Variants in AK9 observed in about 807,000 individuals in gnomAD.
AK9 encodes the protein adenylate kinase 9.
Under a neutral mutation model 239.6 loss-of-function variants are expected in AK9, and 191 were observed. That is an observed-to-expected ratio of 0.80 (90% CI 0.71 to 0.90). The LOEUF (loss-of-function observed/expected upper bound fraction) is 0.90, where lower values mean the gene tolerates loss of function less well. Ranked by LOEUF, AK9 falls within the 40% of genes least tolerant of loss-of-function variation. The pLI is 0.00. For synonymous variants in AK9, 689 were observed against 721.0 expected (o/e 0.96, Z 0.71); for missense variants, 1,995 against 2,214.7 (o/e 0.90, Z 1.99).
intron 19 of AK9, among the ~76,000 whole-genome samples, chr6:109,582,559 A>C (rs1278303977): frequency 6.6e-6 from 1 of 152,214 alleles, no homozygotes; most frequent in African/African-American, 2.4e-5. Context: ...CTCATGATCA[A>C]ACTTGAACAG....
At chr6:109,593,067 T>G (rs1452640618) in intron 17 of AK9, among the ~76,000 whole-genome samples, 1 of 152,158 alleles carries the variant, frequency 6.6e-6, no homozygotes, top group Non-Finnish European at 1.5e-5. Flanking sequence ...TACTTTTCTT[T>G]CTTTATTTTT....
At chr6:109,586,651 T>C (rs553319802) in intron 17 of AK9, among the ~76,000 whole-genome samples, 3 of 152,088 alleles carry the variant, frequency 2.0e-5, no homozygotes, top group Non-Finnish European at 4.4e-5. Flanking sequence ...TCTGCTTTCA[T>C]TTCTCAGTGT....
intron 12 of AK9, among the ~76,000 whole-genome samples, chr6:109,626,231 A>G (rs1583311422): frequency 2.1e-5 from 2 of 95,614 alleles, no homozygotes; most frequent in Middle Eastern, 0.015. Context: ...TCTTATAAAG[A>G]CCTTAAGCAT....
chr6:109,636,181 C>G (rs1227967042), intron 10 of AK9, among the ~76,000 whole-genome samples: 3 of 152,108 alleles, frequency 2.0e-5, no homozygotes, highest in African/African-American at 7.2e-5. Context: ...TCCTACTGCA[C>G]AAACCCATGC....
chr6:109,576,304 A>G (rs1031864556), intron 20 of AK9, among the ~76,000 whole-genome samples: 1 of 150,262 alleles, frequency 6.7e-6, no homozygotes, highest in Non-Finnish European at 1.5e-5. Flanking sequence ...CCCATCCATG[A>G]GCATGGGATG....
chr6:109,667,881 A>G (rs545986312), intron 5 of AK9, among the ~76,000 whole-genome samples: 94 of 152,314 alleles, frequency 6.2e-4, no homozygotes, highest in Non-Finnish European at 1.1e-3. Context: ...ATGTGTCCTT[A>G]TAACAGCATG....
intron 26 of AK9, among the ~76,000 whole-genome samples, 164 bp downstream of exon 26, chr6:109,545,703 A>G (rs1051846893): frequency 1.3e-5 from 2 of 152,142 alleles, no homozygotes; most frequent in Admixed American, 1.3e-4. Context: ...CTAATACACC[A>G]AGGCAGGAGG....
chr6:109,564,960 A>C (rs1360190422), intron 21 of AK9, 115 bp from the exon 22 acceptor site: 13 of 673,468 alleles, frequency 1.9e-5, no homozygotes, highest in Non-Finnish European at 3.0e-5. Context: ...GAAATGCCTA[A>C]TAGAAAGCAA....
chr6:109,509,570 T>C (rs931213774), intron 32 of AK9, among the ~76,000 whole-genome samples, 190 bp from the exon 33 acceptor site: 2 of 152,110 alleles, frequency 1.3e-5, no homozygotes, highest in Non-Finnish European at 2.9e-5. Context: ...CAAACCATGC[T>C]GCAGACCCAG....
chr6:109,560,005 C>T (rs1018992210), intron 24 of AK9, among the ~76,000 whole-genome samples: 1 of 152,150 alleles, frequency 6.6e-6, no homozygotes, highest in Non-Finnish European at 1.5e-5. Context: ...TCTCTGACTT[C>T]CTGTCTTCCT....
intron 12 of AK9, among the ~76,000 whole-genome samples, chr6:109,624,629 A>C (rs1436772595): frequency 6.6e-6 from 1 of 152,162 alleles, no homozygotes; most frequent in South Asian, 2.1e-4. Context: ...CTCATTTTAC[A>C]GAAGCTTCTG....
In AK9 at chr6:109,576,420, C is replaced by CTTTTTTTTTTTTT. The variant is rs3060763; in HGVS notation, c.2192-2839_2192-2827dup. ...GGTTAGGTGTATATACATATATATA[C>CTTTTTTTTTTTTT]TTTTTTTTTTTTTTTTTGCAGCTGT... On this transcript the variant is annotated intron_variant, in intron 20 of 40. Coordinates refer to ENST00000424296, the MANE Select transcript of AK9 (RefSeq NM_001145128.3). Among the ~76,000 whole-genome samples the CTTTTTTTTTTTTT allele has an allele frequency of 1.2e-4, 12 of 103,506 alleles. 1 individual carries two copies. The highest frequency in any genetic ancestry group is 7.0e-4 in the East Asian group (2 of 2,856). 67.9% of individuals were successfully genotyped at this position (103,506 alleles called of 152,430 possible). A position where few individuals can be genotyped will look rare whatever the true frequency, so the allele number is the denominator to read the frequency against.
rs1795253828 is a variant in AK9, at chr6:109,624,294, C to T, written c.1255-5058G>A. Among the ~76,000 whole-genome samples the T allele has an allele frequency of 2.6e-5, 4 of 152,136 alleles. No individual in the cohort carries two copies. The South Asian group carries it at 6.2e-4, about 24-fold the overall frequency. On this transcript the variant is annotated intron_variant, in intron 12 of 40. Transcript: ENST00000424296. ...CCCACCATCTTGGGATTTCCTAACC[C>T]TCTTCCTTGTCAGGGATGCATAGAT...
chr6:109,567,308 G>A (rs969325628), intron 21 of AK9, among the ~76,000 whole-genome samples: 5 of 152,078 alleles, frequency 3.3e-5, no homozygotes, highest in Non-Finnish European at 7.4e-5. Context: ...ACACTTCTAC[G>A]CAAATAAACT....
At chr6:109,573,955 T>C (rs1450580386) in intron 20 of AK9, among the ~76,000 whole-genome samples, 11 of 152,176 alleles carry the variant, frequency 7.2e-5, no homozygotes, top group Non-Finnish European at 1.2e-4. Context: ...CATGTGGCTA[T>C]TGAGTACTTG....
chr6:109,658,879 C>T (rs1800046197), intron 7 of AK9, among the ~76,000 whole-genome samples: 1 of 151,876 alleles, frequency 6.6e-6, no homozygotes, highest in Non-Finnish European at 1.5e-5. Context: ...CTGTAGGTAA[C>T]AGAAAATAGA....
rs1041051583 is a variant in AK9, at chr6:109,684,398, G to T, written c.-12+6749C>A. Among the ~76,000 whole-genome samples the T allele has an allele frequency of 2.6e-5, 4 of 152,210 alleles. 1 individual carries two copies. The East Asian group carries it at 7.7e-4, about 29-fold the overall frequency. ...GCAACAAAAGCCAAAATTGACAAAT[G>T]GGATCTAATTAAATTAAAGAGGTTC... On this transcript the variant is annotated intron_variant, in intron 1 of 40. Transcript: ENST00000424296.
At chr6:109,570,258 C>T (rs1453352164) in intron 21 of AK9, among the ~76,000 whole-genome samples, 17 of 150,584 alleles carry the variant, frequency 1.1e-4, no homozygotes, top group Admixed American at 9.9e-4. Context: ...TGGTTGGGAG[C>T]ATCACACACT....
chr6:109,625,195 G>A (rs780360942), intron 12 of AK9, among the ~76,000 whole-genome samples: 13 of 152,252 alleles, frequency 8.5e-5, no homozygotes, highest in Admixed American at 3.3e-4. Flanking sequence ...TATGAAACTC[G>A]TAGTCATCAG....
Sources: gnomAD v4.1 joint callset for allele counts (sites outside exome capture counted in the v4.1 genomes callset) on GRCh38, gnomAD v4.1.1 for gene constraint, MANE v1.5 for transcripts, NCBI Gene and HGNC (gene_info 2026-07-23, HGNC 2026-07-21) for gene names.